Variants in MAGI2 observed in about 807,000 individuals in gnomAD.
MAGI2 encodes the protein membrane associated guanylate kinase, WW and PDZ domain containing 2.
MAGI2 carries 35 observed loss-of-function variants against 133.3 expected under a neutral mutation model. That is an observed-to-expected ratio of 0.26 (90% CI 0.20 to 0.35). The LOEUF (loss-of-function observed/expected upper bound fraction) is 0.35, where lower values mean the gene tolerates loss of function less well. Among genes scored for constraint, MAGI2 ranks in the 10% least tolerant of loss-of-function variants. The probability of loss-of-function intolerance (pLI) is 1.00; values close to 1 mark genes in which losing one functional copy is unlikely to be tolerated. For synonymous variants in MAGI2, 729 were observed against 710.6 expected (o/e 1.03, Z -0.41); for missense variants, 1,636 against 1,863.4 (o/e 0.88, Z 2.25).
At chr7:78,264,982 T>C (rs1351425652) in intron 9 of MAGI2, among the ~76,000 whole-genome samples, 1 of 152,192 alleles carries the variant, frequency 6.6e-6, no homozygotes, top group East Asian at 1.9e-4. Context: ...ACTAAGATAC[T>C]GGAGTAGCCA....
At chr7:79,177,718 A>T (rs1669254287) in intron 1 of MAGI2, among the ~76,000 whole-genome samples, 1 of 152,114 alleles carries the variant, frequency 6.6e-6, no homozygotes, top group South Asian at 2.1e-4. Flanking sequence ...ATTACTTTAC[A>T]TATGCTAACC....
intron 6 of MAGI2, among the ~76,000 whole-genome samples, chr7:78,420,299 GAAGTA>G (rs1369401488): frequency 1.3e-5 from 2 of 152,158 alleles, no homozygotes; most frequent in Non-Finnish European, 2.9e-5. Flanking sequence ...TGAAGAACAA[GAAGTA>G]AAGAATTACT....
intron 6 of MAGI2, among the ~76,000 whole-genome samples, chr7:78,473,698 T>C (rs930430758): frequency 6.6e-6 from 1 of 151,936 alleles, no homozygotes; most frequent in African/African-American, 2.4e-5. Flanking sequence ...CTGACATACA[T>C]ACACACATAT....
At chr7:78,128,732 A>G (rs1821245755) in intron 18 of MAGI2, among the ~76,000 whole-genome samples, 1 of 152,210 alleles carries the variant, frequency 6.6e-6, no homozygotes, top group Non-Finnish European at 1.5e-5. Context: ...GGGGCTCCTT[A>G]GAAGGGGGTT....
rs1329534164 is a variant in MAGI2 at position 78,117,678 on chromosome 7, T to TA, written c.3567+8015dup. On this transcript the variant is annotated intron_variant, in intron 20 of 21. Transcript: ENST00000354212. ...TACAGTAAGCCAAGCCAATGAAATTTAAAAAAAAGAAATAAAAGGACTTAA... is the reference window on the plus strand; with the variant it reads ...TACAGTAAGCCAAGCCAATGAAATTTAAAAAAAAAGAAATAAAAGGACTTAA... 4.6e-5 allele frequency among the ~76,000 whole-genome samples: 7 copies of TA among 151,464 alleles called. No homozygotes were observed. In the East Asian group the frequency reaches 1.2e-3, roughly 25 times the overall value.
intron 4 of MAGI2, among the ~76,000 whole-genome samples, chr7:78,511,550 AATT>A (rs1477909200): frequency 1.5e-3 from 162 of 106,754 alleles, no homozygotes; most frequent in African/African-American, 5.5e-3. Flanking sequence ...TATATATATA[AATT>A]TTTTTTTTTT....
chr7:78,281,575 G>GA (rs1490901761), intron 9 of MAGI2, among the ~76,000 whole-genome samples: 4 of 152,058 alleles, frequency 2.6e-5, no homozygotes, highest in African/African-American at 9.7e-5. Context: ...CTTTCCTTTA[G>GA]AAATTACCCA....
At chr7:78,691,433 A>T (rs1469631969) in intron 2 of MAGI2, among the ~76,000 whole-genome samples, 2 of 152,212 alleles carry the variant, frequency 1.3e-5, no homozygotes, top group Non-Finnish European at 2.9e-5. Context: ...GGTTGAATAC[A>T]GCAATTACTG....
chr7:79,261,830 T>C (rs1834115204), intron 1 of MAGI2, among the ~76,000 whole-genome samples: 1 of 152,200 alleles, frequency 6.6e-6, no homozygotes, highest in African/African-American at 2.4e-5. Context: ...GCACCATTTA[T>C]TGTCTAAATT....
At chr7:78,257,159 G>A (rs1346644888) in intron 9 of MAGI2, among the ~76,000 whole-genome samples, 2 of 152,112 alleles carry the variant, frequency 1.3e-5, no homozygotes, top group Non-Finnish European at 2.9e-5. Flanking sequence ...TTTGGGATTA[G>A]GGAGCTGGGT....
At chr7:78,398,183 AAGACAAGTC>A (rs1440728312) in intron 6 of MAGI2, among the ~76,000 whole-genome samples, 2 of 152,206 alleles carry the variant, frequency 1.3e-5, no homozygotes, top group African/African-American at 4.8e-5. Flanking sequence ...TCCATGATCA[AAGACAAGTC>A]AGAAATCGAA....
chr7:78,622,779 C>A (rs1807885729), intron 3 of MAGI2, among the ~76,000 whole-genome samples: 1 of 151,928 alleles, frequency 6.6e-6, no homozygotes, highest in African/African-American at 2.4e-5. Flanking sequence ...AGTGTTTACC[C>A]AGGTCATTAT....
intron 3 of MAGI2, among the ~76,000 whole-genome samples, chr7:78,595,406 C>A (rs535016505): frequency 3.2e-4 from 48 of 152,218 alleles, no homozygotes; most frequent in African/African-American, 1.2e-3. Context: ...TCTTTTTAAA[C>A]TAGCTGCGAT....
chr7:79,166,298 A>T, intron 1 of MAGI2, among the ~76,000 whole-genome samples: 1 of 152,042 alleles, frequency 6.6e-6, no homozygotes, highest in East Asian at 1.9e-4. Context: ...TGACCCACTG[A>T]AGAGAGAGAT....
chr7:78,533,359 G>A (rs941763164), intron 3 of MAGI2, among the ~76,000 whole-genome samples: 4 of 152,044 alleles, frequency 2.6e-5, no homozygotes, highest in African/African-American at 9.7e-5. Context: ...AAAATACATA[G>A]GAATAAGAAA....
chr7:78,531,122 T>G (rs1296953983), intron 3 of MAGI2, among the ~76,000 whole-genome samples: 2 of 152,288 alleles, frequency 1.3e-5, no homozygotes, highest in East Asian at 3.9e-4. Flanking sequence ...AAAAAATAAC[T>G]TTAGTATAAT....
chr7:78,107,390 A>G (rs4730057), intron 20 of MAGI2, among the ~76,000 whole-genome samples: 33,817 of 151,964 alleles, frequency 0.22, 4,412 homozygotes, highest in East Asian at 0.5. Flanking sequence ...GAAGAATGTC[A>G]TTGGTATTTT....
At chr7:79,287,146 G>A (rs184406175) in intron 1 of MAGI2, among the ~76,000 whole-genome samples, 3 of 152,088 alleles carry the variant, frequency 2.0e-5, no homozygotes, top group Admixed American at 1.3e-4. Flanking sequence ...TCACCTGGGA[G>A]TTTATTTAAA....
At chr7:79,347,597 T>C (rs944058103) in intron 1 of MAGI2, among the ~76,000 whole-genome samples, 1 of 151,898 alleles carries the variant, frequency 6.6e-6, no homozygotes, top group Non-Finnish European at 1.5e-5. Flanking sequence ...CTTATACTTC[T>C]TCCTTGAGCT....
Sources: gnomAD v4.1 joint callset for allele counts (sites outside exome capture counted in the v4.1 genomes callset) on GRCh38, gnomAD v4.1.1 for gene constraint, MANE v1.5 for transcripts, NCBI Gene and HGNC (gene_info 2026-07-23, HGNC 2026-07-21) for gene names.